The following CNTN4 variants were observed in gnomAD, a reference collection of about 807,000 sequenced individuals.
CNTN4 encodes the protein contactin 4.
A neutral mutation model predicts 122.5 loss-of-function variants in CNTN4; 77 were observed. The ratio of observed to expected loss-of-function variants is 0.63; its 90% CI spans 0.52 to 0.76. The LOEUF is 0.76. CNTN4 is among the 30% of genes least tolerant of loss of function. The pLI is 0.00. For synonymous variants in CNTN4, 512 were observed against 447.0 expected (o/e 1.15, Z -1.83); for missense variants, 1,256 against 1,259.1 (o/e 1.00, Z 0.04).
chr3:2,834,603 G>A (rs1231798612), intron 7 of CNTN4, among the ~76,000 whole-genome samples: 4 of 152,056 alleles, frequency 2.6e-5, no homozygotes, highest in Non-Finnish European at 5.9e-5. Flanking sequence ...CAAAGAAGCT[G>A]TAATCTATTT....
chr3:2,687,476 C>T (rs1188014320), intron 4 of CNTN4, among the ~76,000 whole-genome samples: 2 of 152,032 alleles, frequency 1.3e-5, no homozygotes, highest in Non-Finnish European at 2.9e-5. Flanking sequence ...GCCTGGGCAA[C>T]ATGGTAAGAC....
chr3:2,903,451 T>C (rs1041653350), intron 12 of CNTN4, among the ~76,000 whole-genome samples: 2 of 152,218 alleles, frequency 1.3e-5, no homozygotes, highest in African/African-American at 4.8e-5. Flanking sequence ...TTCTTCCAAC[T>C]ACATGTTTGA....
chr3:2,468,392 T>C (rs1465454300), intron 3 of CNTN4, among the ~76,000 whole-genome samples: 1 of 152,130 alleles, frequency 6.6e-6, no homozygotes, highest in African/African-American at 2.4e-5. Flanking sequence ...ACTGCTTCTC[T>C]AAACATATAA....
chr3:3,034,889 A>G (rs1699467644), intron 17 of CNTN4, 99 bp downstream of exon 17: 1 of 1,225,518 alleles, frequency 8.2e-7, no homozygotes, highest in Non-Finnish European at 1.2e-6. Context: ...AGACACTACT[A>G]CAAATGATAT....
intron 3 of CNTN4, among the ~76,000 whole-genome samples, chr3:2,486,416 T>G (rs968273041): frequency 1.3e-5 from 2 of 152,200 alleles, no homozygotes; most frequent in African/African-American, 4.8e-5. Context: ...GTAGTAAACA[T>G]CTGACTAGAA....
intron 4 of CNTN4, among the ~76,000 whole-genome samples, chr3:2,697,989 T>G (rs2086141342): frequency 6.6e-6 from 1 of 152,196 alleles, no homozygotes; most frequent in Admixed American, 6.5e-5. Flanking sequence ...AAAAACACCT[T>G]GTAACATTCA....
intron 6 of CNTN4, among the ~76,000 whole-genome samples, chr3:2,778,372 G>T (rs1325208909): frequency 1.3e-5 from 2 of 151,914 alleles, no homozygotes; most frequent in African/African-American, 4.8e-5. Context: ...ATTCCTGTAG[G>T]CCAAAAAATT....
intron 2 of CNTN4, among the ~76,000 whole-genome samples, chr3:2,170,405 G>A (rs2728523): frequency 6.6e-6 from 1 of 151,930 alleles, no homozygotes; most frequent in Non-Finnish European, 1.5e-5. Context: ...AGTAAACTTA[G>A]GAAACTTAGG....
intron 6 of CNTN4, among the ~76,000 whole-genome samples, chr3:2,797,722 T>C (rs563778305): frequency 5.4e-4 from 82 of 152,312 alleles, no homozygotes; most frequent in Non-Finnish European, 2.4e-4. Context: ...GAGTTCAATA[T>C]AGTTTTTAAC....
At chr3:2,593,630 A>T (rs1576141279) in intron 4 of CNTN4, among the ~76,000 whole-genome samples, 1 of 152,336 alleles carries the variant, frequency 6.6e-6, no homozygotes, top group East Asian at 1.9e-4. Context: ...GCAGATGAAG[A>T]TCTTATAAGA....
intron 13 of CNTN4, among the ~76,000 whole-genome samples, chr3:2,957,034 C>T (rs2124939765): frequency 6.6e-6 from 1 of 152,246 alleles, no homozygotes; most frequent in South Asian, 2.1e-4. Context: ...ATCCATTAAT[C>T]CCGTGATGGA....
At chr3:2,309,439 T>C (rs1241918840) in intron 2 of CNTN4, among the ~76,000 whole-genome samples, 2 of 152,200 alleles carry the variant, frequency 1.3e-5, no homozygotes, top group East Asian at 3.8e-4. Flanking sequence ...TTACAGCGCT[T>C]AATATATTTA....
chr3:2,239,405 C>T (rs1032896937), intron 2 of CNTN4, among the ~76,000 whole-genome samples: 5 of 152,062 alleles, frequency 3.3e-5, no homozygotes, highest in Admixed American at 2.6e-4. Flanking sequence ...GACACACATA[C>T]CCTCAAATCT....
chr3:2,156,752 C>A (rs896585806), intron 2 of CNTN4, among the ~76,000 whole-genome samples: 1 of 151,932 alleles, frequency 6.6e-6, no homozygotes, highest in Non-Finnish European at 1.5e-5. Flanking sequence ...ATCTTCTGGC[C>A]CCAGTTTTGG....
chr3:2,387,755 C>A (rs1279142903), intron 3 of CNTN4, among the ~76,000 whole-genome samples: 1 of 152,124 alleles, frequency 6.6e-6, no homozygotes, highest in Non-Finnish European at 1.5e-5. Flanking sequence ...AGTTGAGACA[C>A]TGGTTTTAAG....
chr3:2,473,025 G>T (rs2075731093), intron 3 of CNTN4, among the ~76,000 whole-genome samples: 1 of 152,050 alleles, frequency 6.6e-6, no homozygotes, highest in African/African-American at 2.4e-5. Context: ...CCTGAGGTCA[G>T]GAGTTTGAGA....
chr3:2,313,936 A>C (rs1012141984), intron 2 of CNTN4, among the ~76,000 whole-genome samples: 22 of 152,012 alleles, frequency 1.4e-4, no homozygotes, highest in Admixed American at 7.2e-4. Flanking sequence ...AAAGCATATA[A>C]AGTTATTTCT....
intron 12 of CNTN4, among the ~76,000 whole-genome samples, chr3:2,909,032 C>T (rs2094269488): frequency 6.6e-6 from 1 of 152,102 alleles, no homozygotes; most frequent in Non-Finnish European, 1.5e-5. Context: ...GTGATTGGCT[C>T]CCAAATTAGA....
chr3:2,104,050 T>C (rs2032218378), intron 2 of CNTN4, among the ~76,000 whole-genome samples: 1 of 152,228 alleles, frequency 6.6e-6, no homozygotes, highest in East Asian at 1.9e-4. Context: ...GGTAATGATA[T>C]GTATCTTCTT....
Sources: gnomAD v4.1 joint callset for allele counts (sites outside exome capture counted in the v4.1 genomes callset) on GRCh38, gnomAD v4.1.1 for gene constraint, MANE v1.5 for transcripts, NCBI Gene and HGNC (gene_info 2026-07-23, HGNC 2026-07-21) for gene names.